DNMT1: variants seen among roughly 807,000 people sequenced by gnomAD.
The protein encoded by DNMT1 is DNA methyltransferase 1.
In DNMT1, 24 loss-of-function variants were observed where a neutral mutation model predicts 205.3. The ratio of observed to expected loss-of-function variants is 0.12; its 90% CI spans 0.08 to 0.16. The LOEUF (loss-of-function observed/expected upper bound fraction) is 0.16, where lower values mean the gene tolerates loss of function less well. Ranked by LOEUF, DNMT1 falls within the 10% of genes least tolerant of loss-of-function variation. The pLI is 1.00. For synonymous variants in DNMT1, 817 were observed against 839.8 expected (o/e 0.97, Z 0.47); for missense variants, 1,293 against 2,177.7 (o/e 0.59, Z 8.09).
intron 5 of DNMT1, among the ~76,000 whole-genome samples, chr19:10,179,485 T>C (rs1158610249): frequency 2.6e-5 from 4 of 152,070 alleles, no homozygotes; most frequent in African/African-American, 9.7e-5. Context: ...CCAGCCACCT[T>C]GGCCACCCAA....
Position 10,138,749 on chromosome 19 carries a change from G to T in DNMT1, c.3949-144C>A. 1.8e-6 allele frequency: 2 copies of T among 1,101,972 alleles called. No individual in the cohort carries two copies. The highest frequency in any genetic ancestry group is 2.6e-6 in the Non-Finnish European group (2 of 778,024). The allele number at this position is 1,101,972 out of a possible 1,614,324, so 68.3% of individuals were successfully genotyped here. Reference sequence around the variant, plus strand: ...CTTGCAGAAATCCCCAGTTACCTCAGCAGGCGTGCTCCTGGTCAGAGGAGT... The same window carrying T: ...CTTGCAGAAATCCCCAGTTACCTCATCAGGCGTGCTCCTGGTCAGAGGAGT... On this transcript the variant is annotated intron_variant, in intron 34 of 40. Coordinates refer to ENST00000359526, the MANE Select transcript of DNMT1 (RefSeq NM_001130823.3). This position sits in a 1 kb window ranked among gnomAD's most constrained non-coding sequence, Gnocchi z 4.1.
Position 10,146,432 on chromosome 19 carries a change from A to G in DNMT1, c.2813T>C (p.Leu938Pro), listed in dbSNP as rs762002107. The G allele has an allele frequency of 2.5e-6, 4 of 1,614,138 alleles. No individual in the cohort carries two copies. Among genetic ancestry groups the G allele is most frequent in the Non-Finnish European group, 2.5e-6 (3 of 1,180,038 alleles). ...GCCGTTCTTGGTGGCTGAGTAGTAG[A>G]GGACCCGGCTATCCAGGTCCTCGAG... ...EQLEDLDSRVLYYSATKNGIL... is the reference protein window; with the variant it reads ...EQLEDLDSRVPYYSATKNGIL... The change falls in exon 28 of 41, where the codon CTC (leucine) becomes CCC (proline). Residue 938 changes from leucine (L) to proline (P), a missense_variant. Around this residue, in one of 13 missense-constraint regions of DNMT1, gnomAD observed 112 missense variants for 116.6 expected, o/e 0.96. Coordinates refer to ENST00000359526, the MANE Select transcript of DNMT1 (RefSeq NM_001130823.3). This position sits in a 1 kb window ranked among gnomAD's most constrained non-coding sequence, Gnocchi z 4.4.
chr19:10,167,399 G>A (rs2038720225), intron 10 of DNMT1, among the ~76,000 whole-genome samples: 1 of 152,072 alleles, frequency 6.6e-6, no homozygotes, highest in Admixed American at 6.6e-5. Flanking sequence ...GTTTCACCAT[G>A]TTGGCCAGGC....
rs755995375 is a variant in DNMT1, at chr19:10,180,852, C to T, written c.151G>A (p.Glu51Lys). 1.9e-5 allele frequency: 31 copies of T among 1,613,986 alleles called. No individual in the cohort carries two copies. The highest frequency in any genetic ancestry group is 2.5e-5 in the Non-Finnish European group (29 of 1,180,018). ...CVKEKLNLLHEFLQTEIKNQL... is the reference protein window; with the variant it reads ...CVKEKLNLLHKFLQTEIKNQL... ...TTCTTTATTTCTGTTTGCAGAAATT[C>T]GTGCAAGAGATTCAATTTCTCCTTC... Residue 51 changes from glutamate (E) to lysine (K), a missense_variant, in exon 3 of 41, where the codon GAA (glutamate) becomes AAA (lysine). Around this residue, in one of 13 missense-constraint regions of DNMT1, gnomAD observed 394 missense variants for 451.6 expected, o/e 0.87. Coordinates refer to ENST00000359526, the MANE Select transcript of DNMT1 (RefSeq NM_001130823.3).
At chr19:10,163,219 A>G (rs2038617013) in intron 12 of DNMT1, 107 bp downstream of exon 12, 1 of 1,269,134 alleles carries the variant, frequency 7.9e-7, no homozygotes, top group Non-Finnish European at 1.1e-6. Flanking sequence ...CACCCACCTC[A>G]GCCTCCCAAA....
chr19:10,135,474 G>T (rs1395150068), intron 39 of DNMT1: 4 of 518,082 alleles, frequency 7.7e-6, no homozygotes, highest in Non-Finnish European at 1.4e-5. Context: ...GTTTTAGCCT[G>T]CTCCTTTAGC....
chr19:10,134,728 C>T (rs1462692515), intron 39 of DNMT1, among the ~76,000 whole-genome samples: 1 of 151,856 alleles, frequency 6.6e-6, no homozygotes, highest in Non-Finnish European at 1.5e-5. Context: ...CATGGTGGCA[C>T]ATGCCTGTAA....
chr19:10,180,995 G>A, intron 2 of DNMT1, 110 bp from the exon 3 acceptor site: 1 of 856,994 alleles, frequency 1.2e-6, no homozygotes, highest in Non-Finnish European at 1.9e-6. Context: ...GTGAATGGCA[G>A]GCAATGCTGT....
chr19:10,183,761 C>T (rs751138287), intron 1 of DNMT1, among the ~76,000 whole-genome samples: 1 of 152,084 alleles, frequency 6.6e-6, no homozygotes, highest in Admixed American at 6.6e-5. Flanking sequence ...GCTGTAATCC[C>T]AGCAACTTGG....
At chr19:10,141,640 C>T (rs1370964473) in intron 30 of DNMT1, 21 of 332,744 alleles carry the variant, frequency 6.3e-5, no homozygotes, top group South Asian at 5.4e-4. Context: ...TGGGCCTGGA[C>T]GTAGGCGCCT....
chr19:10,152,451 A>AC (rs2038367572), intron 22 of DNMT1, among the ~76,000 whole-genome samples: 1 of 151,358 alleles, frequency 6.6e-6, no homozygotes, highest in African/African-American at 2.4e-5. Flanking sequence ...ACATATTAAG[A>AC]CCCCCAACTC....
rs779967013 is a variant in DNMT1, at chr19:10,138,554, C to T, written c.4000G>A (p.Ala1334Thr). ...QTRRRAIILAAAPGEKLPLFP... is the reference protein window; with the variant it reads ...QTRRRAIILATAPGEKLPLFP... ...AGAGGGAGCTTCTCTCCAGGGGCCG[C>T]GGCCAGGATGATGGCCCGCCTCCTA... Residue 1334 changes from alanine (A) to threonine (T), a missense_variant, in exon 35 of 41, where the codon GCG becomes ACG. Coordinates refer to ENST00000359526, the MANE Select transcript of DNMT1 (RefSeq NM_001130823.3). The surrounding 1 kb of genome is among the most constrained non-coding windows in gnomAD (Gnocchi z 4.1). 34 of 1,610,676 alleles carry T rather than the reference C, an allele frequency of 2.1e-5. No homozygotes were observed. Among genetic ancestry groups the T allele is most frequent in the Non-Finnish European group, 2.7e-5 (32 of 1,180,024 alleles).
chr19:10,186,567 G>A (rs1181837860), intron 1 of DNMT1, among the ~76,000 whole-genome samples: 3 of 151,956 alleles, frequency 2.0e-5, no homozygotes, highest in East Asian at 1.9e-4. Context: ...GGCCAGGCAC[G>A]GTGGCTCATG....
chr19:10,154,000 G>T (rs1033111815), intron 22 of DNMT1, among the ~76,000 whole-genome samples: 1 of 152,160 alleles, frequency 6.6e-6, no homozygotes, highest in Non-Finnish European at 1.5e-5. Context: ...GTCCAACAGG[G>T]GCCTTCAGAC....
chr19:10,147,086 C>T lies in DNMT1; in HGVS notation c.2721-562G>A, dbSNP rs115945111. Among the ~76,000 whole-genome samples the T allele has an allele frequency of 4.7e-3, 718 of 152,044 alleles. 6 individuals carry two copies. Among genetic ancestry groups the T allele is most frequent in the African/African-American group, 0.017 (697 of 41,444 alleles). On this transcript the variant is annotated intron_variant, in intron 27 of 40. Transcript: ENST00000359526. ...CTAGCCTGGCCAACACAGTGAGACC[C>T]CGTCTCTACAAAAAATTTTTAAAAC...
intron 1 of DNMT1, among the ~76,000 whole-genome samples, chr19:10,191,346 T>G (rs1011056112): frequency 2.1e-5 from 3 of 145,978 alleles, no homozygotes; most frequent in African/African-American, 7.6e-5. Flanking sequence ...TTTCATTTAA[T>G]GAAATATTTT....
intron 1 of DNMT1, among the ~76,000 whole-genome samples, chr19:10,183,037 G>A (rs1315571946): frequency 1.4e-5 from 2 of 139,458 alleles, no homozygotes; most frequent in South Asian, 2.3e-4. Context: ...GTATATATAC[G>A]TATATATGTG....
Position 10,146,330 on chromosome 19 carries a change from C to G in DNMT1, c.2894+21G>C. On this transcript the variant is annotated intron_variant, in intron 28 of 40. Transcript: ENST00000359526. This position sits in a 1 kb window ranked among gnomAD's most constrained non-coding sequence, Gnocchi z 4.4. ...TCAGCCTGGAGCGCCCTGGCCCCGG[C>G]TGCTCCGAGGGGGCACTTACTTGAA... 6.2e-7 allele frequency: 1 copy of G among 1,613,266 alleles called. No individual in the cohort carries two copies. The highest frequency in any genetic ancestry group is 8.5e-7 in the Non-Finnish European group (1 of 1,179,746).
intron 13 of DNMT1, among the ~76,000 whole-genome samples, chr19:10,161,361 ATAAC>A (rs1339941748): frequency 7.1e-6 from 1 of 140,162 alleles, no homozygotes; most frequent in African/African-American, 2.6e-5. Flanking sequence ...AAATAAATAA[ATAAC>A]TGGCCAGGCA....
Sources: allele counts gnomAD v4.1 joint callset (sites outside exome capture counted in the v4.1 genomes callset), GRCh38; gene constraint gnomAD v4.1.1; regional missense constraint gnomAD v4.1.1; non-coding constraint Gnocchi (gnomAD v3.1); transcripts MANE v1.5; gene names NCBI Gene and HGNC (gene_info 2026-07-23, HGNC 2026-07-21).